Variants in UBN2 observed in about 807,000 individuals in gnomAD.
UBN2 encodes ubinuclein-2.
In UBN2, 35 loss-of-function variants were observed where a neutral mutation model predicts 120.2. The ratio of observed to expected loss-of-function variants is 0.29; its 90% CI spans 0.22 to 0.39. The LOEUF (loss-of-function observed/expected upper bound fraction) is 0.39. UBN2 is among the 10% of genes least tolerant of loss of function. UBN2 has a pLI of 1.00. For missense variants in UBN2, 1,693 were observed against 1,663.2 expected, an observed-to-expected ratio of 1.02 and a Z score of -0.31; for synonymous variants, 661 against 648.7, an observed-to-expected ratio of 1.02 and a Z score of -0.29.
rs561706136 is a variant in UBN2, at chr7:139,301,073, C to T, written c.*3237C>T. The T allele has an allele frequency of 6.6e-6, 1 of 152,228 alleles. No individual in the cohort carries two copies. The highest frequency in any genetic ancestry group is 1.9e-4 in the East Asian group (1 of 5,178). 9.4% of individuals were successfully genotyped at this position (152,228 alleles called of 1,614,324 possible). On this transcript the variant is annotated 3_prime_UTR_variant, in exon 18 of 18. Transcript: ENST00000473989. Reference sequence around the variant, plus strand: ...CGGAAATTAGAAGATGGTGATAGTGCATTCTTTTGTGCCCACCCCCCCTCT... The same window carrying T: ...CGGAAATTAGAAGATGGTGATAGTGTATTCTTTTGTGCCCACCCCCCCTCT...
intron 11 of UBN2, among the ~76,000 whole-genome samples, chr7:139,274,627 T>C (rs1276577413): frequency 6.6e-6 from 1 of 151,918 alleles, no homozygotes; most frequent in African/African-American, 2.4e-5. Context: ...CCAGGCGTGG[T>C]GGCGCATGCC....
chr7:139,293,783 C>T (rs1352660046), intron 16 of UBN2, 106 bp from the exon 17 acceptor site: 11 of 1,038,264 alleles, frequency 1.1e-5, no homozygotes, highest in Admixed American at 6.4e-5. Context: ...AGAAGGCCTT[C>T]GAAGTCAGGT....
At position 139,302,779 on chromosome 7, in the gene UBN2, C is replaced by CAT. The variant is rs1798291477; in HGVS notation, c.*4944_*4945insTA. On this transcript the variant is annotated 3_prime_UTR_variant, in exon 18 of 18. Transcript: ENST00000473989. ...CTTGTAGAAGTTAACAATAACAACA[C>CAT]ACACACACACACACACACACACGTC... 6.9e-6 allele frequency: 1 copy of CAT among 145,858 alleles called. No homozygotes were observed. The highest frequency in any genetic ancestry group is 2.1e-4 in the South Asian group (1 of 4,792). 9.0% of individuals were successfully genotyped at this position (145,858 alleles called of 1,614,324 possible). A position where few individuals can be genotyped will look rare whatever the true frequency, so the allele number is the denominator to read the frequency against.
At chr7:139,281,434 C>T (rs1269032034) in intron 13 of UBN2, among the ~76,000 whole-genome samples, 3 of 152,154 alleles carry the variant, frequency 2.0e-5, no homozygotes, top group Non-Finnish European at 2.9e-5. Flanking sequence ...AATAAAAGCT[C>T]TTAGCTTTCT....
intron 2 of UBN2, among the ~76,000 whole-genome samples, chr7:139,240,086 G>A (rs888479756): frequency 6.6e-6 from 1 of 152,090 alleles, no homozygotes; most frequent in Non-Finnish European, 1.5e-5. Flanking sequence ...AATTGACTTA[G>A]ATATATTTAA....
At position 139,234,263 on chromosome 7, in the gene UBN2, G is replaced by T. The variant is rs569608299; in HGVS notation, c.468+2311G>T. Among the ~76,000 whole-genome samples the T allele has an allele frequency of 1.3e-4, 20 of 152,076 alleles. No homozygotes were observed. The South Asian group carries it at 3.7e-3, about 28-fold the overall frequency. ...ATCACTAAATAAGATTTTAGCTCCA[G>T]ATGCTGAAATTGGTAGATGTGGGGC... On this transcript the variant is annotated intron_variant, in intron 1 of 17. Coordinates refer to ENST00000473989, the MANE Select transcript of UBN2 (RefSeq NM_173569.4).
Position 139,284,181 on chromosome 7 carries a change from C to T in UBN2, c.3276C>T (p.Ser1092=). 6.2e-7 allele frequency: 1 copy of T among 1,614,200 alleles called. No homozygotes were observed. Among genetic ancestry groups the T allele is most frequent in the Non-Finnish European group, 8.5e-7 (1 of 1,180,044 alleles). Residue 1092 remains serine, a synonymous_variant, in exon 15 of 18, where the codon TCC becomes TCT. Coordinates refer to ENST00000473989, the MANE Select transcript of UBN2 (RefSeq NM_173569.4). ...AGCCTACTGTATCCCCAAGTAGTTC[C>T]AGTCCAAATGCACTAGTTGCCCAGG... ...TPKPTVSPSS[S]SPNALVAQGS...
chr7:139,318,832 G>A, the UBN2 span, among the ~76,000 whole-genome samples: 1 of 152,088 alleles, frequency 6.6e-6, no homozygotes, highest in Non-Finnish European at 1.5e-5. Flanking sequence ...AAGTTAGGAT[G>A]GATTTCAGCC....
chr7:139,287,798 C>G (rs971982162), intron 15 of UBN2, among the ~76,000 whole-genome samples: 2 of 151,572 alleles, frequency 1.3e-5, no homozygotes, highest in Non-Finnish European at 3.0e-5. Flanking sequence ...TAAAGTCTTA[C>G]CAGCTATCTT....
At position 139,283,244 on chromosome 7, in the gene UBN2, G is replaced by A. The variant is rs1369673024; in HGVS notation, c.2339G>A (p.Gly780Glu). 6.2e-7 allele frequency: 1 copy of A among 1,613,202 alleles called. No homozygotes were observed. Among genetic ancestry groups the A allele is most frequent in the Admixed American group, 1.7e-5 (1 of 59,840 alleles). Reference sequence around the variant, plus strand: ...GAAGCTTTAGCGGTTATCAACAATGGGAACAAGGGCCCTCCAGTTGGCTCA... The same window carrying A: ...GAAGCTTTAGCGGTTATCAACAATGAGAACAAGGGCCCTCCAGTTGGCTCA... ...VSEALAVINN[G>E]NKGPPVGSRI... Residue 780 changes from glycine to glutamate, a missense_variant, in exon 15 of 18, where the codon GGG becomes GAG. By Grantham distance (98) the Gly-to-Glu change is moderately conservative. This residue lies in a region of UBN2 where 837 missense variants were observed against 817.6 expected (regional missense o/e 1.02). Coordinates refer to ENST00000473989, the MANE Select transcript of UBN2 (RefSeq NM_173569.4).
intron 14 of UBN2, among the ~76,000 whole-genome samples, 196 bp from the exon 15 acceptor site, chr7:139,282,828 C>T (rs1797655512): frequency 6.6e-6 from 1 of 152,116 alleles, no homozygotes; most frequent in African/African-American, 2.4e-5. Flanking sequence ...TGCAATATAT[C>T]AGATACTTTG....
intron 6 of UBN2, among the ~76,000 whole-genome samples, chr7:139,264,437 G>GA (rs777044710): frequency 9.9e-5 from 15 of 152,224 alleles, no homozygotes; most frequent in Non-Finnish European, 2.2e-4. Context: ...CTCCTTAAAG[G>GA]ACAGAGTCAT....
intron 15 of UBN2, among the ~76,000 whole-genome samples, chr7:139,285,774 G>A (rs952097424): frequency 5.3e-5 from 8 of 151,656 alleles, no homozygotes; most frequent in African/African-American, 1.9e-4. Flanking sequence ...ACAGAGTCTC[G>A]CTCTGTCGTC....
At chr7:139,239,967 G>T (rs1029220895) in intron 2 of UBN2, among the ~76,000 whole-genome samples, 1 of 152,198 alleles carries the variant, frequency 6.6e-6, no homozygotes, top group East Asian at 1.9e-4. Flanking sequence ...AGTATATGAC[G>T]CACTACCTTA....
At chr7:139,315,776 G>A in the UBN2 span, among the ~76,000 whole-genome samples, 10 of 151,712 alleles carry the variant, frequency 6.6e-5, no homozygotes, top group African/African-American at 1.5e-4. Context: ...TTCCAGTTCC[G>A]GCCAGGCATG....
intron 3 of UBN2, among the ~76,000 whole-genome samples, chr7:139,258,156 A>C (rs961979316): frequency 2.0e-5 from 3 of 152,208 alleles, no homozygotes; most frequent in Admixed American, 6.5e-5. Context: ...TTTAAACTTG[A>C]TTTCTCATCA....
In UBN2 at chr7:139,293,343, G is replaced by T. The variant is rs371901292; in HGVS notation, c.3781G>T (p.Val1261Phe). ...TCCTTTTGGGATGCTGGGTGGCCTT[G>T]TTCCAGTGACCATGCCCTTCCAGTT... ...VTPFGMLGGL[V>F]PVTMPFQFPL... The change falls in exon 16 of 18, where the codon GTT (valine) becomes TTT (phenylalanine). Residue 1261 changes from valine to phenylalanine, a missense_variant. Around this residue, in one of 5 missense-constraint regions of UBN2, gnomAD observed 837 missense variants for 817.6 expected, o/e 1.02. Transcript: ENST00000473989. The T allele has an allele frequency of 1.5e-5, 24 of 1,614,176 alleles. No individual in the cohort carries two copies. Among genetic ancestry groups the T allele is most frequent in the Middle Eastern group, 3.3e-4 (2 of 6,062 alleles).
At chr7:139,282,133 A>T in intron 14 of UBN2, 78 bp downstream of exon 14, 1 of 1,335,670 alleles carries the variant, frequency 7.5e-7, no homozygotes, top group South Asian at 1.2e-5. Flanking sequence ...AAACTAATTG[A>T]AGAGACTTTG....
Position 139,231,684 on chromosome 7 carries a change from C to G in UBN2, c.200C>G (p.Ser67Trp). Reference protein sequence around the residue: ...PAPRSDAQPPSREKPLPQREV... With the variant: ...PAPRSDAQPPWREKPLPQREV... ...CCCCGCTCGGACGCGCAGCCCCCGT[C>G]GCGGGAGAAGCCGCTCCCCCAGCGC... The change falls in exon 1 of 18, where the codon TCG (serine) becomes TGG (tryptophan). Residue 67 changes from serine (S) to tryptophan (W), a missense_variant. Physicochemically the swap from Ser to Trp is radical, Grantham distance 177 (BLOSUM62 -3). Coordinates refer to ENST00000473989, the MANE Select transcript of UBN2 (RefSeq NM_173569.4). The G allele has an allele frequency of 8.5e-7, 1 of 1,182,562 alleles. No homozygotes were observed. The highest frequency in any genetic ancestry group is 1.0e-6 in the Non-Finnish European group (1 of 959,296). 73.3% of individuals were successfully genotyped at this position (1,182,562 alleles called of 1,614,324 possible).
Sources: allele counts gnomAD v4.1 joint callset (sites outside exome capture counted in the v4.1 genomes callset), GRCh38; gene constraint gnomAD v4.1.1; regional missense constraint gnomAD v4.1.1; transcripts MANE v1.5; gene names NCBI Gene and HGNC (gene_info 2026-07-23, HGNC 2026-07-21).